The following NACC2 variants were observed in gnomAD, a reference collection of about 807,000 sequenced individuals.
The protein encoded by NACC2 is nucleus accumbens-associated protein 2.
In NACC2, 8 loss-of-function variants were observed where a neutral mutation model predicts 25.1. That is an observed-to-expected ratio of 0.32 (90% CI 0.19 to 0.57). The LOEUF (loss-of-function observed/expected upper bound fraction) is 0.57, where lower values mean the gene tolerates loss of function less well. NACC2 is among the 20% of genes least tolerant of loss of function. The pLI is 0.89. For synonymous variants in NACC2, 435 were observed against 294.7 expected (o/e 1.48, Z -4.88); for missense variants, 644 against 650.2 (o/e 0.99, Z 0.10).
At chr9:136,046,947 C>T (rs1464424) in intron 2 of NACC2, among the ~76,000 whole-genome samples, 46,033 of 152,106 alleles carry the variant, frequency 0.3, 9,055 homozygotes, top group Non-Finnish European at 0.44. Flanking sequence ...TGGTTCTTAA[C>T]GCGAGAGAGG....
intron 1 of NACC2, among the ~76,000 whole-genome samples, chr9:136,051,262 T>C (rs1840829910): frequency 6.6e-6 from 1 of 152,006 alleles, no homozygotes; most frequent in African/African-American, 2.4e-5. Flanking sequence ...GCCCGCTCCG[T>C]TCTCCCGTGC....
intron 1 of NACC2, among the ~76,000 whole-genome samples, chr9:136,083,060 G>A (rs954038536): frequency 2.6e-5 from 4 of 152,322 alleles, no homozygotes; most frequent in East Asian, 1.9e-4. Context: ...CCTGACGACC[G>A]AGCACTTCAC....
At chr9:136,014,705 G>A (rs527546178) in intron 3 of NACC2, among the ~76,000 whole-genome samples, 3 of 152,314 alleles carry the variant, frequency 2.0e-5, no homozygotes, top group South Asian at 2.1e-4. Context: ...TGAGGGAGAC[G>A]GAATCCCCTG....
intron 1 of NACC2, among the ~76,000 whole-genome samples, chr9:136,094,466 G>A (rs1057250332): frequency 4.6e-5 from 7 of 152,232 alleles, no homozygotes; most frequent in African/African-American, 1.7e-4. Flanking sequence ...GGTCCGCCCT[G>A]GCCGTGCGGG....
Position 136,038,944 on chromosome 9 carries a change from G to A in NACC2, c.886+10692C>T, listed in dbSNP as rs979126374. Among the ~76,000 whole-genome samples the A allele has an allele frequency of 9.3e-3, 1,419 of 152,260 alleles. 30 individuals are homozygous for A. Among genetic ancestry groups the A allele is most frequent in the African/African-American group, 0.032 (1,319 of 41,538 alleles). On this transcript the variant is annotated intron_variant, in intron 2 of 5. Coordinates refer to ENST00000277554, the MANE Select transcript of NACC2 (RefSeq NM_144653.5). ...ATGCAGGGAAGGAGAAAAGGTAAATGAACAAATAGCAAGATGGTAGACGTA... is the reference window on the plus strand; with the variant it reads ...ATGCAGGGAAGGAGAAAAGGTAAATAAACAAATAGCAAGATGGTAGACGTA...
chr9:136,084,015 C>T lies in NACC2; in HGVS notation c.-60+11174G>A, dbSNP rs534292469. Among the ~76,000 whole-genome samples, 24 of 152,264 alleles carry T rather than the reference C, an allele frequency of 1.6e-4. No individual in the cohort carries two copies. The South Asian group carries it at 3.3e-3, about 21-fold the overall frequency. On this transcript the variant is annotated intron_variant, in intron 1 of 5. Transcript: ENST00000277554. This position sits in a 1 kb window ranked among gnomAD's most constrained non-coding sequence, Gnocchi z 5.1. ...GGGGAGACCCAAGACCTGGCCACAA[C>T]CCCATCTCCTAGTTCCTCTACAGCC...
chr9:136,054,534 A>C (rs1328715273), intron 1 of NACC2, among the ~76,000 whole-genome samples: 1 of 152,144 alleles, frequency 6.6e-6, no homozygotes, highest in African/African-American at 2.4e-5. Context: ...GAAAGCAGAC[A>C]CACGGGGGCT....
chr9:136,013,320 G>A lies in NACC2; in HGVS notation c.1158-24C>T, dbSNP rs1168209122. The A allele has an allele frequency of 6.9e-6, 11 of 1,603,548 alleles. No homozygotes were observed. The highest frequency in any genetic ancestry group is 8.5e-6 in the Non-Finnish European group (10 of 1,172,964). ...TCCTGGTGGAGGGACCGGAAAGGCA[G>A]GCAGGGTGAGGATGATGGGGAGGGT... On this transcript the variant is annotated intron_variant, in intron 4 of 5. Transcript: ENST00000277554. This position sits in a 1 kb window ranked among gnomAD's most constrained non-coding sequence, Gnocchi z 6.6.
At position 136,050,252 on chromosome 9, in the gene NACC2, G is replaced by T; in HGVS notation, c.270C>A (p.Leu90=). 1.3e-6 allele frequency: 1 copy of T among 769,642 alleles called. No homozygotes were observed. 47.7% of individuals were successfully genotyped at this position (769,642 alleles called of 1,614,324 possible). A position where few individuals can be genotyped will look rare whatever the true frequency, so the allele number is the denominator to read the frequency against. ...CGAGCTGCTCGCTGGCCGTCATGGT[G>T]AGCCTGCCCGTGTAGCAGAAGGACA... ...QILSFCYTGR[L]TMTASEQLVV... is the part of the protein sequence containing the mutation. The change falls in exon 2 of 6, where the codon CTC becomes CTA. Residue 90 remains leucine, a synonymous_variant. Coordinates refer to ENST00000277554, the MANE Select transcript of NACC2 (RefSeq NM_144653.5).
intron 1 of NACC2, among the ~76,000 whole-genome samples, chr9:136,094,925 C>T (rs1588588892): frequency 6.7e-6 from 1 of 148,518 alleles, no homozygotes; most frequent in East Asian, 2.0e-4. Context: ...CGCGGCGTCC[C>T]GGCCCGGGGT....
chr9:136,052,633 A>G (rs887808579), intron 1 of NACC2, among the ~76,000 whole-genome samples: 3,454 of 152,164 alleles, frequency 0.023, 120 homozygotes, highest in African/African-American at 0.079. Flanking sequence ...ACCCCTCCCC[A>G]TCCCACTCCC....
rs546112224 is a variant in NACC2 at position 136,059,048 on chromosome 9, AG to A, written c.-59-8469del. ...GGCTGTAGAGGGAAGGTGCTGGGTCAGGGGCAGGGGAGAAGCGTGATCTGGA... is the reference window on the plus strand; with the variant it reads ...GGCTGTAGAGGGAAGGTGCTGGGTCAGGGCAGGGGAGAAGCGTGATCTGGA... On this transcript the variant is annotated intron_variant, in intron 1 of 5. Coordinates refer to ENST00000277554, the MANE Select transcript of NACC2 (RefSeq NM_144653.5). Among the ~76,000 whole-genome samples the A allele has an allele frequency of 1.0e-3, 153 of 152,322 alleles. No homozygotes were observed. The South Asian group carries it at 0.015, about 15-fold the overall frequency.
At position 136,084,547 on chromosome 9, in the gene NACC2, A is replaced by T. The variant is rs1005949173; in HGVS notation, c.-60+10642T>A. 6.6e-6 allele frequency among the ~76,000 whole-genome samples: 1 copy of T among 152,180 alleles called. No homozygotes were observed. The highest frequency in any genetic ancestry group is 1.5e-5 in the Non-Finnish European group (1 of 68,036). Reference sequence around the variant, plus strand: ...TCTGTCAAACTGGCCCAGACCCCGGAGTCAGGGTCACGAAGGCCATGGAAA... The same window carrying T: ...TCTGTCAAACTGGCCCAGACCCCGGTGTCAGGGTCACGAAGGCCATGGAAA... On this transcript the variant is annotated intron_variant, in intron 1 of 5. Coordinates refer to ENST00000277554, the MANE Select transcript of NACC2 (RefSeq NM_144653.5). This position sits in a 1 kb window ranked among gnomAD's most constrained non-coding sequence, Gnocchi z 5.1.
At chr9:136,016,677 G>A (rs1840208341) in intron 2 of NACC2, among the ~76,000 whole-genome samples, 1 of 152,190 alleles carries the variant, frequency 6.6e-6, no homozygotes, top group African/African-American at 2.4e-5. Context: ...TTGTGAACGA[G>A]TGAGCAGAAG....
At chr9:136,047,445 C>A (rs1382061931) in intron 2 of NACC2, among the ~76,000 whole-genome samples, 1 of 152,252 alleles carries the variant, frequency 6.6e-6, no homozygotes, top group Non-Finnish European at 1.5e-5. Context: ...ACTGTGGCAT[C>A]CAGAGCCAAA....
intron 1 of NACC2, among the ~76,000 whole-genome samples, chr9:136,082,230 C>T (rs1341862640): frequency 6.6e-6 from 1 of 152,216 alleles, no homozygotes; most frequent in African/African-American, 2.4e-5. Context: ...ACCCTCAGGA[C>T]CATCGGTGTG....
chr9:136,039,843 T>C (rs977013159), intron 2 of NACC2, among the ~76,000 whole-genome samples: 36 of 150,698 alleles, frequency 2.4e-4, no homozygotes, highest in Non-Finnish European at 2.1e-4. Context: ...AGAGAGAGCA[T>C]GGCAAAGAGA....
At chr9:136,048,186 T>C in intron 2 of NACC2, among the ~76,000 whole-genome samples, 1 of 152,184 alleles carries the variant, frequency 6.6e-6, no homozygotes, top group Non-Finnish European at 1.5e-5. Flanking sequence ...CTGGAGCCCA[T>C]GGACAGAGCT....
At chr9:136,024,533 G>GTGT (rs770978573) in intron 2 of NACC2, among the ~76,000 whole-genome samples, 1 of 106,690 alleles carries the variant, frequency 9.4e-6, no homozygotes, top group South Asian at 3.6e-4. Context: ...GTGTGTGTGT[G>GTGT]GACAGTGTGT....
Sources: allele counts gnomAD v4.1 joint callset (sites outside exome capture counted in the v4.1 genomes callset), GRCh38; gene constraint gnomAD v4.1.1; non-coding constraint Gnocchi (gnomAD v3.1); transcripts MANE v1.5; gene names NCBI Gene and HGNC (gene_info 2026-07-23, HGNC 2026-07-21).